Variants in CACNA2D3 observed in about 807,000 individuals in gnomAD.
CACNA2D3 encodes voltage-dependent calcium channel subunit alpha-2/delta-3.
Under a neutral mutation model 160.6 loss-of-function variants are expected in CACNA2D3, and 60 were observed. The observed-to-expected ratio is 0.37, with a 90% CI of 0.30 to 0.46. The LOEUF (loss-of-function observed/expected upper bound fraction) is 0.46, where lower values mean the gene tolerates loss of function less well. CACNA2D3 is among the 20% of genes least tolerant of loss of function. The pLI, the probability that CACNA2D3 is intolerant of heterozygous loss-of-function variation, is 1.00. For synonymous variants in CACNA2D3, 558 were observed against 492.9 expected (o/e 1.13, Z -1.75); for missense variants, 1,205 against 1,365.0 (o/e 0.88, Z 1.85).
chr3:54,807,367 A>G lies in CACNA2D3; in HGVS notation c.1381-9486A>G, dbSNP rs1453706150. Among the ~76,000 whole-genome samples, 3 of 151,776 alleles carry G rather than the reference A, an allele frequency of 2.0e-5. No individual in the cohort carries two copies. In the East Asian group the frequency reaches 5.8e-4, roughly 29 times the overall value. Reference sequence around the variant, plus strand: ...TCAAACAAATTTACAAGAAAAAAACAAACAACCCCATCAAAAAGTGGGCGA... The same window carrying G: ...TCAAACAAATTTACAAGAAAAAAACGAACAACCCCATCAAAAAGTGGGCGA... On this transcript the variant is annotated intron_variant, in intron 13 of 37. Transcript: ENST00000474759.
At chr3:54,383,965 C>CAT (rs1559466679) in intron 3 of CACNA2D3, among the ~76,000 whole-genome samples, 2 of 152,054 alleles carry the variant, frequency 1.3e-5, no homozygotes, top group African/African-American at 2.4e-5. Context: ...GTACAGTATA[C>CAT]ATATATATAC....
At chr3:54,977,179 A>G (rs1186375801) in intron 29 of CACNA2D3, among the ~76,000 whole-genome samples, 3 of 152,214 alleles carry the variant, frequency 2.0e-5, no homozygotes, top group South Asian at 2.1e-4. Context: ...AATGACCACA[A>G]AAAGGGTAAA....
chr3:54,624,571 G>A (rs559886933), intron 9 of CACNA2D3, among the ~76,000 whole-genome samples: 1 of 152,302 alleles, frequency 6.6e-6, no homozygotes, highest in Non-Finnish European at 1.5e-5. Context: ...CTGGTGAGCC[G>A]AGATCGCACC....
chr3:54,864,961 A>G (rs1460364572), intron 17 of CACNA2D3, among the ~76,000 whole-genome samples: 2 of 152,340 alleles, frequency 1.3e-5, no homozygotes, highest in South Asian at 2.1e-4. Context: ...GTGAAAATGA[A>G]ACGAGACACG....
In CACNA2D3 at chr3:54,687,121, C is replaced by CTTTTTTTTTTTTTTT. The variant is rs757838355; in HGVS notation, c.1167+44893_1167+44894insTTTTTTTTTTTTTTT. Among the ~76,000 whole-genome samples, 613 of 94,902 alleles carry CTTTTTTTTTTTTTTT rather than the reference C, an allele frequency of 6.5e-3. 47 individuals carry two copies. Among genetic ancestry groups the CTTTTTTTTTTTTTTT allele is most frequent in the Non-Finnish European group, 9.1e-3 (435 of 48,042 alleles). The allele number at this position is 94,902 out of a possible 152,430, so 62.3% of individuals were successfully genotyped here. On this transcript the variant is annotated intron_variant, in intron 11 of 37. Coordinates refer to ENST00000474759, the MANE Select transcript of CACNA2D3 (RefSeq NM_018398.3). ...AAATCGGATTTTTCTTTTTCTTTTT[C>CTTTTTTTTTTTTTTT]TTTTTTTTTTTTTGTTTTTTTTTTT...
intron 3 of CACNA2D3, among the ~76,000 whole-genome samples, chr3:54,359,990 T>C (rs1698715067): frequency 6.6e-6 from 1 of 152,182 alleles, no homozygotes; most frequent in African/African-American, 2.4e-5. Context: ...ATTATAAGAA[T>C]AAAAGGCAAT....
chr3:54,818,583 C>T (rs1703514967), intron 14 of CACNA2D3, among the ~76,000 whole-genome samples: 2 of 152,232 alleles, frequency 1.3e-5, no homozygotes, highest in South Asian at 4.1e-4. Flanking sequence ...ATTGCATTCA[C>T]TTCTTCTGTC....
At chr3:54,511,302 T>A (rs1229205983) in intron 5 of CACNA2D3, among the ~76,000 whole-genome samples, 4 of 152,138 alleles carry the variant, frequency 2.6e-5, no homozygotes, top group African/African-American at 9.7e-5. Flanking sequence ...TTCAGCAGTT[T>A]CTTTTTCACT....
intron 5 of CACNA2D3, among the ~76,000 whole-genome samples, chr3:54,559,006 C>T (rs773121463): frequency 2.0e-5 from 3 of 152,046 alleles, no homozygotes; most frequent in Non-Finnish European, 4.4e-5. Flanking sequence ...GCCTATACCC[C>T]GGGAAGGACC....
intron 3 of CACNA2D3, among the ~76,000 whole-genome samples, chr3:54,383,306 C>T (rs187917944): frequency 1.2e-3 from 180 of 152,288 alleles, no homozygotes; most frequent in Middle Eastern, 6.8e-3. Context: ...TACACAGCAG[C>T]TGAGCCTGTT....
At chr3:54,895,881 T>C (rs1335702969) in intron 25 of CACNA2D3, among the ~76,000 whole-genome samples, 1 of 152,182 alleles carries the variant, frequency 6.6e-6, no homozygotes, top group African/African-American at 2.4e-5. Flanking sequence ...TGCTTAAGGC[T>C]CTGTGAAGAG....
intron 1 of CACNA2D3, 173 bp from the exon 2 acceptor site, chr3:54,123,340 C>A: frequency 1.6e-6 from 1 of 606,376 alleles, no homozygotes; most frequent in South Asian, 2.1e-5. Flanking sequence ...CTGCGCTTTG[C>A]AGTTTTGGTG....
intron 11 of CACNA2D3, among the ~76,000 whole-genome samples, chr3:54,690,705 G>A (rs1265911593): frequency 2.0e-5 from 3 of 152,110 alleles, no homozygotes; most frequent in Non-Finnish European, 4.4e-5. Context: ...TATGGATCCT[G>A]CAATTTGGGA....
intron 11 of CACNA2D3, among the ~76,000 whole-genome samples, chr3:54,737,578 G>T (rs1270837450): frequency 6.6e-6 from 1 of 152,074 alleles, no homozygotes; most frequent in Non-Finnish European, 1.5e-5. Context: ...GTGGAGGTGA[G>T]ATTACAAAAC....
intron 2 of CACNA2D3, among the ~76,000 whole-genome samples, chr3:54,191,870 G>A (rs888098650): frequency 6.6e-6 from 1 of 152,206 alleles, no homozygotes; most frequent in Non-Finnish European, 1.5e-5. Flanking sequence ...CCCCAAAAGC[G>A]TTAGCTGTTG....
chr3:54,169,440 G>A (rs1700518713), intron 2 of CACNA2D3, among the ~76,000 whole-genome samples: 1 of 152,080 alleles, frequency 6.6e-6, no homozygotes, highest in Non-Finnish European at 1.5e-5. Context: ...TTTGCTCAGT[G>A]GACCATGGCC....
intron 4 of CACNA2D3, among the ~76,000 whole-genome samples, chr3:54,392,900 C>G (rs558244845): frequency 1.3e-5 from 2 of 152,178 alleles, no homozygotes; most frequent in African/African-American, 4.8e-5. Context: ...AAAGGATTAG[C>G]AAGGACAGTG....
In CACNA2D3 at chr3:54,854,700, GC is replaced by G. The variant is rs375908339; in HGVS notation, c.1626+8234del. ...GTTCTCATTGCCTCGTGCGTGGAGT[GC>G]TCACCACAGAGGGGTTGACTGTGTG... On this transcript the variant is annotated intron_variant, in intron 17 of 37. Transcript: ENST00000474759. 2.0e-4 allele frequency among the ~76,000 whole-genome samples: 31 copies of G among 152,180 alleles called. No individual in the cohort carries two copies. In the South Asian group the frequency reaches 3.5e-3, roughly 17 times the overall value.
At chr3:54,939,399 T>TA (rs1411669947) in intron 27 of CACNA2D3, among the ~76,000 whole-genome samples, 1 of 152,220 alleles carries the variant, frequency 6.6e-6, no homozygotes, top group East Asian at 1.9e-4. Flanking sequence ...TCTGCGTTTT[T>TA]ATCTCATCTT....
Sources: allele counts gnomAD v4.1 joint callset (sites outside exome capture counted in the v4.1 genomes callset), GRCh38; gene constraint gnomAD v4.1.1; transcripts MANE v1.5; gene names NCBI Gene and HGNC (gene_info 2026-07-23, HGNC 2026-07-21).